The following POLN variants were observed in gnomAD, a reference collection of about 807,000 sequenced individuals.
POLN encodes the protein DNA polymerase nu.
Under a neutral mutation model 113.5 loss-of-function variants are expected in POLN, and 108 were observed. The observed-to-expected ratio is 0.95, with a 90% confidence interval of 0.81 to 1.12. The LOEUF (loss-of-function observed/expected upper bound fraction) is 1.12. Among genes scored for constraint, POLN ranks in the 50% most tolerant of loss-of-function variants. POLN has a pLI of 0.00. For synonymous variants in POLN, 386 were observed against 391.5 expected (o/e 0.99, Z 0.17); for missense variants, 1,097 against 1,077.1 (o/e 1.02, Z -0.26).
intron 18 of POLN, among the ~76,000 whole-genome samples, chr4:2,128,927 T>G (rs577746853): frequency 1.3e-5 from 2 of 152,086 alleles, no homozygotes; most frequent in African/African-American, 4.8e-5. Context: ...TGGTGGCACA[T>G]GCCTGTAACC....
At chr4:2,131,140 G>C (rs546883194) in intron 17 of POLN, 93 bp downstream of exon 17, 5 of 876,882 alleles carry the variant, frequency 5.7e-6, no homozygotes, top group African/African-American at 3.4e-5. Flanking sequence ...AGCTGTGATC[G>C]CACAAATGCA....
chr4:2,223,471 A>C (rs1437712369), intron 3 of POLN, among the ~76,000 whole-genome samples: 2 of 152,204 alleles, frequency 1.3e-5, no homozygotes, highest in African/African-American at 4.8e-5. Context: ...CCGCCTGACG[A>C]TCTTAGGTGG....
At chr4:2,223,567 T>C (rs550450245) in intron 3 of POLN, among the ~76,000 whole-genome samples, 77 of 152,192 alleles carry the variant, frequency 5.1e-4, no homozygotes, top group Non-Finnish European at 8.8e-4. Flanking sequence ...CGCCAAAAGG[T>C]TGGGGACTGC....
At chr4:2,158,194 C>T (rs1385082438) in intron 14 of POLN, among the ~76,000 whole-genome samples, 1 of 152,102 alleles carries the variant, frequency 6.6e-6, no homozygotes, top group African/African-American at 2.4e-5. Flanking sequence ...TCAGGTGATC[C>T]GCCCACCTCA....
chr4:2,206,792 T>C (rs1348862230), intron 5 of POLN, among the ~76,000 whole-genome samples: 1 of 152,192 alleles, frequency 6.6e-6, no homozygotes, highest in African/African-American at 2.4e-5. Flanking sequence ...ACTTCTATAC[T>C]TCTGGTGGGA....
At chr4:2,160,621 C>T (rs756228788) in intron 13 of POLN, among the ~76,000 whole-genome samples, 1 of 152,110 alleles carries the variant, frequency 6.6e-6, no homozygotes, top group Admixed American at 6.5e-5. Context: ...GTTGCCCAGG[C>T]TGGTCTTAAA....
At chr4:2,122,182 T>C (rs1731458544) in intron 19 of POLN, among the ~76,000 whole-genome samples, 1 of 152,130 alleles carries the variant, frequency 6.6e-6, no homozygotes, top group Non-Finnish European at 1.5e-5. Flanking sequence ...ATCCAAGCAC[T>C]AAGGTGGCAA....
At chr4:2,131,416 C>G in intron 16 of POLN, 126 bp from the exon 17 acceptor site, 1 of 593,386 alleles carries the variant, frequency 1.7e-6, no homozygotes, top group Non-Finnish European at 2.9e-6. Context: ...CATGCATAAG[C>G]ACATTAATAC....
intron 13 of POLN, among the ~76,000 whole-genome samples, chr4:2,167,627 GGT>G (rs1491300259): frequency 1.3e-5 from 2 of 152,182 alleles, no homozygotes; most frequent in African/African-American, 4.8e-5. Context: ...GGCCAGGCAT[GGT>G]GACTCATGCC....
intron 3 of POLN, among the ~76,000 whole-genome samples, chr4:2,217,607 C>CCA (rs1274519561): frequency 6.6e-6 from 1 of 151,660 alleles, no homozygotes; most frequent in Non-Finnish European, 1.5e-5. Context: ...CTACCAGGGC[C>CCA]CAGTAGCATG....
At chr4:2,190,948 T>C (rs1733425401) in intron 7 of POLN, among the ~76,000 whole-genome samples, 1 of 152,176 alleles carries the variant, frequency 6.6e-6, no homozygotes, top group Admixed American at 6.5e-5. Context: ...ACAGCCACTA[T>C]GGAAAACAGT....
chr4:2,150,934 A>C (rs1022546340), intron 16 of POLN, among the ~76,000 whole-genome samples: 3 of 152,242 alleles, frequency 2.0e-5, no homozygotes, highest in African/African-American at 7.2e-5. Flanking sequence ...CTTAGATACA[A>C]TATCAAAGCA....
At chr4:2,240,866 A>G (rs1288211138) in intron 2 of POLN, 1 of 1,612,024 alleles carries the variant, frequency 6.2e-7, no homozygotes, top group East Asian at 2.2e-5. Context: ...ACAACCAGTC[A>G]AAGTCTTCTC....
chr4:2,208,523 G>A (rs747689037), intron 4 of POLN, 36 bp from the exon 5 acceptor site: 3 of 1,422,526 alleles, frequency 2.1e-6, no homozygotes, highest in African/African-American at 2.9e-5. Flanking sequence ...TTAGAATATG[G>A]ACTCATAAGA....
At chr4:2,104,393 T>C (rs1730997504) in intron 19 of POLN, among the ~76,000 whole-genome samples, 1 of 152,252 alleles carries the variant, frequency 6.6e-6, no homozygotes, top group Admixed American at 6.5e-5. Flanking sequence ...TCCATTTCTC[T>C]TGGGTATGTA....
intron 2 of POLN, chr4:2,240,909 T>C: frequency 6.3e-7 from 1 of 1,597,992 alleles, no homozygotes; most frequent in Non-Finnish European, 8.5e-7. Flanking sequence ...ATAACCAATT[T>C]TTTTTAATGT....
chr4:2,091,800 T>TGTGTGTGTGCGCGC (rs577896956), intron 20 of POLN, among the ~76,000 whole-genome samples: 1 of 144,846 alleles, frequency 6.9e-6, no homozygotes, highest in East Asian at 2.1e-4. Flanking sequence ...TGTGTGTGTG[T>TGTGTGTGTGCGCGC]GCGCGCGCTA....
At chr4:2,112,180 C>G (rs1246807441) in intron 19 of POLN, among the ~76,000 whole-genome samples, 1 of 152,182 alleles carries the variant, frequency 6.6e-6, no homozygotes, top group Non-Finnish European at 1.5e-5. Context: ...ACTGGCTAGC[C>G]ATATGTAGAA....
chr4:2,181,382 T>C lies in POLN; in HGVS notation c.1022-1917A>G, dbSNP rs961788442. On this transcript the variant is annotated intron_variant, in intron 7 of 25. Transcript: ENST00000511885. ...GCTGGTCTTAAACTCCTGACCTCAG[T>C]TGATCTGCCCACCTCAGCCTCCCAA... 1.1e-4 allele frequency among the ~76,000 whole-genome samples: 16 copies of C among 152,084 alleles called. 1 individual carries two copies. The East Asian group carries it at 2.1e-3, about 20-fold the overall frequency.
Sources: allele counts gnomAD v4.1 joint callset (sites outside exome capture counted in the v4.1 genomes callset), GRCh38; gene constraint gnomAD v4.1.1; transcripts MANE v1.5; gene names NCBI Gene and HGNC (gene_info 2026-07-23, HGNC 2026-07-21).